Variants in TBRG1 observed in about 807,000 individuals in gnomAD.
The protein encoded by TBRG1 is nuclear interactor of ARF and MDM2.
In TBRG1, 31 loss-of-function variants were observed where a neutral mutation model predicts 44.0. The ratio of observed to expected loss-of-function variants is 0.70; its 90% confidence interval spans 0.53 to 0.95. TBRG1 has a LOEUF of 0.95. Among genes scored for constraint, TBRG1 ranks in the 40% least tolerant of loss-of-function variants. The pLI, the probability that TBRG1 is intolerant of heterozygous loss-of-function variation, is 0.00. For missense variants in TBRG1, 487 were observed against 496.1 expected (o/e 0.98, Z 0.18); for synonymous variants, 171 against 188.1 (o/e 0.91, Z 0.74).
chr11:124,623,356 A>G (rs1390387789), intron 1 of TBRG1, 123 bp downstream of exon 1: 5 of 1,102,870 alleles, frequency 4.5e-6, no homozygotes, highest in Non-Finnish European at 4.0e-6. Flanking sequence ...CGTATACGTT[A>G]CTACTTGTTA....
Position 124,629,280 on chromosome 11 carries a change from A to C in TBRG1, c.739-1108A>C, listed in dbSNP as rs560675420. 2.6e-5 allele frequency among the ~76,000 whole-genome samples: 4 copies of C among 152,288 alleles called. No individual in the cohort carries two copies. In the East Asian group the frequency reaches 7.7e-4, roughly 29 times the overall value. Reference sequence around the variant, plus strand: ...CGTGAACCCGGGAGGCGGAGCTTGCAGTGAGCCAAGATCACGCCACTGCAC... The same window carrying C: ...CGTGAACCCGGGAGGCGGAGCTTGCCGTGAGCCAAGATCACGCCACTGCAC... On this transcript the variant is annotated intron_variant, in intron 5 of 8. Coordinates refer to ENST00000441174, the MANE Select transcript of TBRG1 (RefSeq NM_032811.3).
Position 124,635,476 on chromosome 11 carries a change from CCCTACAGAGTATTATAA to C in TBRG1, c.*3239_*3255del, listed in dbSNP as rs1326391970. On this transcript the variant is annotated 3_prime_UTR_variant, in exon 9 of 9. Transcript: ENST00000441174. Reference sequence around the variant, plus strand: ...GAACTAAAGCAAAAACCATCATTCACCCTACAGAGTATTATAAATTTCATTTTCACACAGTAAAAAGT... The same window carrying C: ...GAACTAAAGCAAAAACCATCATTCACATTTCATTTTCACACAGTAAAAAGT... 1 of 152,150 alleles carries C rather than the reference CCCTACAGAGTATTATAA, an allele frequency of 6.6e-6. No individual in the cohort carries two copies. 9.4% of individuals were successfully genotyped at this position (152,150 alleles called of 1,614,324 possible).
At chr11:124,630,622 A>G (rs1942587745) in intron 6 of TBRG1, 123 bp from the exon 7 acceptor site, 4 of 988,310 alleles carry the variant, frequency 4.0e-6, no homozygotes, top group Non-Finnish European at 6.4e-6. Context: ...TGTGCCAACT[A>G]GAGCCTCCAC....
rs571099538 is a variant in TBRG1, at chr11:124,635,854, A to ATGTT, written c.*3617_*3620dup. On this transcript the variant is annotated 3_prime_UTR_variant, in exon 9 of 9. Coordinates refer to ENST00000441174, the MANE Select transcript of TBRG1 (RefSeq NM_032811.3). Reference sequence around the variant, plus strand: ...TTATAGGTAACATAATTTTCAGACAATGTTAGCTGTTTTTAATCCATCAGT... The same window carrying ATGTT: ...TTATAGGTAACATAATTTTCAGACAATGTTTGTTAGCTGTTTTTAATCCATCAGT... 30 of 152,264 alleles carry ATGTT rather than the reference A, an allele frequency of 2.0e-4. 1 individual carries two copies. The East Asian group carries it at 5.6e-3, about 28-fold the overall frequency. 9.4% of individuals were successfully genotyped at this position (152,264 alleles called of 1,614,324 possible). A position where few individuals can be genotyped will look rare whatever the true frequency, so the allele number is the denominator to read the frequency against.
intron 8 of TBRG1, 150 bp downstream of exon 8, chr11:124,631,567 G>A: frequency 4.8e-6 from 4 of 834,246 alleles, no homozygotes; most frequent in South Asian, 4.7e-5. Context: ...AGTTAGAGGG[G>A]GACCTGCGGC....
Position 124,632,482 on chromosome 11 carries a change from T to G in TBRG1, c.*244T>G, listed in dbSNP as rs1942637352. Reference sequence around the variant, plus strand: ...GTAATCGGGATGTAATCTTTTTTGCTTAGCTCTGCCTGAGGTAAAGTAAAC... The same window carrying G: ...GTAATCGGGATGTAATCTTTTTTGCGTAGCTCTGCCTGAGGTAAAGTAAAC... On this transcript the variant is annotated 3_prime_UTR_variant, in exon 9 of 9. Transcript: ENST00000441174. The G allele has an allele frequency of 2.8e-6, 1 of 360,820 alleles. No individual in the cohort carries two copies. The highest frequency in any genetic ancestry group is 4.3e-5 in the Admixed American group (1 of 23,388). The allele number at this position is 360,820 out of a possible 1,614,324, so 22.4% of individuals were successfully genotyped here.
At chr11:124,631,986 A>G in intron 8 of TBRG1, 107 bp from the exon 9 acceptor site, 1 of 945,006 alleles carries the variant, frequency 1.1e-6, no homozygotes. Context: ...GAGCTGACAA[A>G]TGCAAGGGTG....
Position 124,632,149 on chromosome 11 carries a change from A to T in TBRG1, c.1147A>T (p.Met383Leu). 1 of 1,613,648 alleles carries T rather than the reference A, an allele frequency of 6.2e-7. No homozygotes were observed. Among genetic ancestry groups the T allele is most frequent in the Admixed American group, 1.7e-5 (1 of 60,014 alleles). ...AGCCTTTGTGTCTTCTTACCAGCCCATGTACCTGACACATGAACCCTTGGT... is the reference window on the plus strand; with the variant it reads ...AGCCTTTGTGTCTTCTTACCAGCCCTTGTACCTGACACATGAACCCTTGGT... ...PAAFVSSYQP[M>L]YLTHEPLVDT... The change falls in exon 9 of 9, where the codon ATG becomes TTG. Residue 383 changes from methionine to leucine, a missense_variant. Physicochemically the swap from Met to Leu is conservative, Grantham distance 15. Coordinates refer to ENST00000441174, the MANE Select transcript of TBRG1 (RefSeq NM_032811.3).
chr11:124,628,098 TATATATATATATATATATACAC>T (rs1411797796), intron 5 of TBRG1, among the ~76,000 whole-genome samples: 593 of 56,224 alleles, frequency 0.011, 5 homozygotes, highest in Non-Finnish European at 0.013. Context: ...TATATATATA[TATATATATATATATATATACAC>T]ACACACACAC....
rs189884874 is a variant in TBRG1 at position 124,634,227 on chromosome 11, G to A, written c.*1989G>A. The A allele has an allele frequency of 1.3e-5, 2 of 152,228 alleles. No homozygotes were observed. The highest frequency in any genetic ancestry group is 1.5e-5 in the Non-Finnish European group (1 of 68,124). 9.4% of individuals were successfully genotyped at this position (152,228 alleles called of 1,614,324 possible). Reference sequence around the variant, plus strand: ...CACGCGCCTGTAGTCCCAGCTACTCGGGAGGCTGAGGCAGGAAGAATCGCT... The same window carrying A: ...CACGCGCCTGTAGTCCCAGCTACTCAGGAGGCTGAGGCAGGAAGAATCGCT... On this transcript the variant is annotated 3_prime_UTR_variant, in exon 9 of 9. Coordinates refer to ENST00000441174, the MANE Select transcript of TBRG1 (RefSeq NM_032811.3).
intron 8 of TBRG1, chr11:124,631,835 T>C (rs1170533571): frequency 8.7e-6 from 4 of 458,048 alleles, no homozygotes; most frequent in South Asian, 5.7e-5. Flanking sequence ...TGGGGTCATA[T>C]AGGGAAAACT....
chr11:124,625,548 C>T (rs987013262), intron 2 of TBRG1, 123 bp from the exon 3 acceptor site: 8 of 858,710 alleles, frequency 9.3e-6, no homozygotes, highest in Admixed American at 2.9e-5. Context: ...CTAATAAGAA[C>T]CTTTCTTTTA....
At chr11:124,628,375 C>T (rs1208254388) in intron 5 of TBRG1, among the ~76,000 whole-genome samples, 1 of 150,984 alleles carries the variant, frequency 6.6e-6, no homozygotes, top group Admixed American at 6.6e-5. Flanking sequence ...AACATAATAA[C>T]ATATTTAACT....
At chr11:124,626,711 C>G (rs1295004875) in intron 4 of TBRG1, 102 bp downstream of exon 4, 3 of 1,444,206 alleles carry the variant, frequency 2.1e-6, no homozygotes, top group Non-Finnish European at 2.9e-6. Context: ...TCTTGCTGAT[C>G]CATACCAACC....
At chr11:124,625,925 A>G (rs749330614) in intron 3 of TBRG1, 22 bp downstream of exon 3, 1 of 1,533,950 alleles carries the variant, frequency 6.5e-7, no homozygotes, top group Non-Finnish European at 8.7e-7. Context: ...AGATGATATC[A>G]GTTGCCCCAG....
In TBRG1 at chr11:124,632,091, A is replaced by G. The variant is rs367899378; in HGVS notation, c.1091-2A>G. On this transcript the variant is annotated splice_acceptor_variant, in intron 8 of 8. Transcript: ENST00000441174. LOFTEE classifies it high-confidence loss of function. ...TGGAACTTAAGGAATTGTTTTCTCC[A>G]GGATCCTTGGACCTCCCAGAGCTTC... The G allele has an allele frequency of 1.9e-6, 3 of 1,613,576 alleles. No individual in the cohort carries two copies. The highest frequency in any genetic ancestry group is 2.7e-5 in the African/African-American group (2 of 75,042).
chr11:124,631,471 T>C (rs566464118), intron 8 of TBRG1, 54 bp downstream of exon 8: 2 of 1,563,114 alleles, frequency 1.3e-6, no homozygotes, highest in African/African-American at 2.7e-5. Flanking sequence ...TAGGCTACCT[T>C]CCCATCTTCA....
chr11:124,627,265 G>A (rs1942496250), intron 5 of TBRG1, among the ~76,000 whole-genome samples: 1 of 152,182 alleles, frequency 6.6e-6, no homozygotes, highest in Admixed American at 6.5e-5. Flanking sequence ...TCAAACTGAT[G>A]CTCTTTTCTC....
intron 5 of TBRG1, among the ~76,000 whole-genome samples, chr11:124,628,115 A>ATATG: frequency 1.8e-5 from 1 of 57,034 alleles, no homozygotes; most frequent in Non-Finnish European, 3.6e-5. Flanking sequence ...ATATATATAT[A>ATATG]TACACACACA....
Sources: allele counts gnomAD v4.1 joint callset (sites outside exome capture counted in the v4.1 genomes callset), GRCh38; gene constraint gnomAD v4.1.1; transcripts MANE v1.5; gene names NCBI Gene and HGNC (gene_info 2026-07-23, HGNC 2026-07-21).